Variants in KLHDC4 observed in about 807,000 individuals in gnomAD.
KLHDC4 encodes kelch domain-containing protein 4.
Under a neutral mutation model 62.4 loss-of-function variants are expected in KLHDC4, and 90 were observed. The ratio of observed to expected loss-of-function variants is 1.44; its 90% CI spans 1.22 to 1.72. The LOEUF (loss-of-function observed/expected upper bound fraction) is 1.72, where lower values mean the gene tolerates loss of function less well. KLHDC4 is among the 40% of genes most tolerant of loss of function. KLHDC4 has a pLI of 0.00. For synonymous variants in KLHDC4, 386 were observed against 284.4 expected, an observed-to-expected ratio of 1.36 and a Z score of -3.59; for missense variants, 1,025 against 699.7, an observed-to-expected ratio of 1.47 and a Z score of -5.25.
In KLHDC4 at chr16:87,707,904, G is replaced by A. The variant is rs752300175; in HGVS notation, c.*173C>T. Reference sequence around the variant, plus strand: ...TCAGTTGAACTTCCGGCCCAGTGCCGCGTCAGAGACTAAACCATGGGAGAA... The same window carrying A: ...TCAGTTGAACTTCCGGCCCAGTGCCACGTCAGAGACTAAACCATGGGAGAA... On this transcript the variant is annotated 3_prime_UTR_variant, in exon 12 of 12. Coordinates refer to ENST00000270583, the MANE Select transcript of KLHDC4 (RefSeq NM_017566.4). The A allele has an allele frequency of 8.1e-5, 37 of 457,122 alleles. No individual in the cohort carries two copies. The highest frequency in any genetic ancestry group is 1.1e-4 in the Non-Finnish European group (25 of 227,320). 28.3% of individuals were successfully genotyped at this position (457,122 alleles called of 1,614,324 possible).
At chr16:87,711,480 A>G (rs2035819687) in intron 8 of KLHDC4, 37 bp from the exon 9 acceptor site, 1 of 1,561,608 alleles carries the variant, frequency 6.4e-7, no homozygotes, top group Non-Finnish European at 8.7e-7. Context: ...ATAAGAACAC[A>G]AGGAAGGACC....
chr16:87,743,546 C>G (rs747703000), intron 5 of KLHDC4, among the ~76,000 whole-genome samples: 16 of 151,992 alleles, frequency 1.1e-4, no homozygotes, highest in Non-Finnish European at 1.9e-4. Context: ...CGAGACCATC[C>G]TGGCTAACAC....
chr16:87,765,123 C>A, intron 1 of KLHDC4: 1 of 456,056 alleles, frequency 2.2e-6, no homozygotes. Flanking sequence ...GGCCATAAAA[C>A]TGGCCCCGGT....
intron 10 of KLHDC4, among the ~76,000 whole-genome samples, chr16:87,708,719 G>C (rs948281675): frequency 2.0e-5 from 3 of 152,184 alleles, no homozygotes; most frequent in African/African-American, 7.2e-5. Flanking sequence ...GGCCAACGGG[G>C]CCTCCTGCCA....
At chr16:87,732,019 G>C (rs889166719) in intron 5 of KLHDC4, among the ~76,000 whole-genome samples, 26 of 152,126 alleles carry the variant, frequency 1.7e-4, no homozygotes, top group African/African-American at 5.3e-4. Context: ...GGAGCTGGGA[G>C]GGGACCAACT....
intron 5 of KLHDC4, among the ~76,000 whole-genome samples, chr16:87,744,518 G>A (rs1041014029): frequency 6.6e-5 from 10 of 151,924 alleles, no homozygotes; most frequent in Admixed American, 1.3e-4. Context: ...GCGAGGTGGA[G>A]GTTGTAGTGA....
intron 2 of KLHDC4, among the ~76,000 whole-genome samples, chr16:87,758,308 T>C (rs948442348): frequency 6.6e-6 from 1 of 152,182 alleles, no homozygotes; most frequent in African/African-American, 2.4e-5. Context: ...ATAACCTAAG[T>C]GTTGGTCTGC....
At chr16:87,736,920 T>A (rs2041411720) in intron 5 of KLHDC4, among the ~76,000 whole-genome samples, 1 of 150,446 alleles carries the variant, frequency 6.6e-6, no homozygotes, top group South Asian at 2.1e-4. Context: ...AGGTCAGGAG[T>A]TCGAGACCAG....
intron 5 of KLHDC4, among the ~76,000 whole-genome samples, chr16:87,745,876 TAAC>T (rs2042965450): frequency 6.6e-6 from 1 of 152,164 alleles, no homozygotes; most frequent in South Asian, 2.1e-4. Flanking sequence ...GTCAGGGTCT[TAAC>T]AACTGAATAA....
At chr16:87,723,604 C>G (rs968735530) in intron 7 of KLHDC4, among the ~76,000 whole-genome samples, 2 of 152,250 alleles carry the variant, frequency 1.3e-5, no homozygotes, top group Non-Finnish European at 2.9e-5. Flanking sequence ...GCCACTACTC[C>G]AGAAAATAGG....
At chr16:87,735,965 C>T (rs143739639) in intron 5 of KLHDC4, among the ~76,000 whole-genome samples, 76 of 152,304 alleles carry the variant, frequency 5.0e-4, no homozygotes, top group African/African-American at 1.7e-3. Flanking sequence ...TGCATGCAAA[C>T]GCTTCTCTGA....
chr16:87,739,680 G>A (rs1263488134), intron 5 of KLHDC4: 7 of 152,668 alleles, frequency 4.6e-5, no homozygotes, highest in East Asian at 1.9e-4. Flanking sequence ...ATCTGGCCAC[G>A]GGAGTGAAGT....
At chr16:87,712,188 G>A (rs1256292513) in intron 8 of KLHDC4, among the ~76,000 whole-genome samples, 1 of 152,206 alleles carries the variant, frequency 6.6e-6, no homozygotes, top group Non-Finnish European at 1.5e-5. Flanking sequence ...CCTATGTGAT[G>A]TGCCAACCCT....
downstream of KLHDC4, among the ~76,000 whole-genome samples, chr16:87,703,871 G>C (rs1381271026): frequency 2.0e-5 from 3 of 152,236 alleles, no homozygotes; most frequent in East Asian, 3.8e-4. Context: ...GCTCTCTCGT[G>C]AAAGAGTAAT....
intron 4 of KLHDC4, among the ~76,000 whole-genome samples, chr16:87,752,869 TACC>T (rs1462402115): frequency 6.6e-6 from 1 of 152,212 alleles, no homozygotes; most frequent in Non-Finnish European, 1.5e-5. Flanking sequence ...GAGCAACCTG[TACC>T]ACGTTAGCTC....
chr16:87,763,257 A>C (rs1218522667), intron 1 of KLHDC4, among the ~76,000 whole-genome samples: 1 of 152,194 alleles, frequency 6.6e-6, no homozygotes, highest in Non-Finnish European at 1.5e-5. Flanking sequence ...TCAATCTTTT[A>C]TTACACATGT....
intron 2 of KLHDC4, among the ~76,000 whole-genome samples, chr16:87,757,111 G>C (rs1344887817): frequency 6.6e-6 from 1 of 151,864 alleles, no homozygotes; most frequent in Non-Finnish European, 1.5e-5. Context: ...CACCGTGCCT[G>C]GACCTCAGAA....
chr16:87,752,759 C>A (rs748230368), intron 4 of KLHDC4, among the ~76,000 whole-genome samples: 1 of 152,108 alleles, frequency 6.6e-6, no homozygotes, highest in Non-Finnish European at 1.5e-5. Context: ...TAGCCTACGC[C>A]CCAAAGATAA....
intron 4 of KLHDC4, among the ~76,000 whole-genome samples, chr16:87,750,643 G>A (rs1267583577): frequency 2.0e-5 from 3 of 152,234 alleles, no homozygotes; most frequent in African/African-American, 4.8e-5. Flanking sequence ...TGCGCCTCGG[G>A]TGGGGCAGAC....
Sources: allele counts gnomAD v4.1 joint callset (sites outside exome capture counted in the v4.1 genomes callset), GRCh38; gene constraint gnomAD v4.1.1; transcripts MANE v1.5; gene names NCBI Gene and HGNC (gene_info 2026-07-23, HGNC 2026-07-21).